Variants in SMAP1 observed in about 807,000 individuals in gnomAD.
SMAP1 encodes stromal membrane-associated protein 1.
In SMAP1, 24 loss-of-function variants were observed where a neutral mutation model predicts 58.5. The ratio of observed to expected loss-of-function variants is 0.41; its 90% CI spans 0.30 to 0.58. The LOEUF (loss-of-function observed/expected upper bound fraction) is 0.58, where lower values mean the gene tolerates loss of function less well. Among genes scored for constraint, SMAP1 ranks in the 20% least tolerant of loss-of-function variants. SMAP1 has a pLI of 0.29. For missense variants in SMAP1, 563 were observed against 566.3 expected, an observed-to-expected ratio of 0.99 and a Z score of 0.06; for synonymous variants, 216 against 196.6, an observed-to-expected ratio of 1.10 and a Z score of -0.82.
intron 6 of SMAP1, among the ~76,000 whole-genome samples, chr6:70,835,421 C>T (rs1770540846): frequency 6.6e-6 from 1 of 152,112 alleles, no homozygotes; most frequent in African/African-American, 2.4e-5. Flanking sequence ...CATGTAACAA[C>T]TAAGTTGTGA....
At chr6:70,770,072 T>A (rs566950493) in intron 3 of SMAP1, among the ~76,000 whole-genome samples, 3 of 151,734 alleles carry the variant, frequency 2.0e-5, no homozygotes, top group South Asian at 2.1e-4. Flanking sequence ...TGTTGAATAT[T>A]GGCCCCCACT....
intron 6 of SMAP1, among the ~76,000 whole-genome samples, chr6:70,825,131 C>G (rs532159702): frequency 1.3e-5 from 2 of 152,254 alleles, no homozygotes; most frequent in East Asian, 3.9e-4. Context: ...ACACACATTG[C>G]GCATATATCC....
chr6:70,784,332 C>T (rs1767905161), intron 4 of SMAP1, among the ~76,000 whole-genome samples: 2 of 152,082 alleles, frequency 1.3e-5, no homozygotes, highest in Non-Finnish European at 2.9e-5. Context: ...CAACCGGTAC[C>T]AGCCACTGCA....
At chr6:70,854,624 A>G (rs76096471) in intron 8 of SMAP1, among the ~76,000 whole-genome samples, 3 of 146,062 alleles carry the variant, frequency 2.1e-5, no homozygotes, top group African/African-American at 5.0e-5. Context: ...CTTCGTCTGG[A>G]AAAAAAAAAA....
At chr6:70,853,434 AT>A (rs748724413) in intron 8 of SMAP1, among the ~76,000 whole-genome samples, 1 of 152,186 alleles carries the variant, frequency 6.6e-6, no homozygotes, top group Non-Finnish European at 1.5e-5. Context: ...GTGCAGCATA[AT>A]TTTTGAGATA....
chr6:70,810,236 C>A lies in SMAP1; in HGVS notation c.576+11499C>A, dbSNP rs187033013. On this transcript the variant is annotated intron_variant, in intron 6 of 10. Transcript: ENST00000370455. ...CAGGCATGCGTAGAACTCCTGAGCT[C>A]AAAGGATCCTTCTGTCTCAGCCTTC... is the stretch of plus-strand genomic sequence containing the variant. 4.6e-3 allele frequency among the ~76,000 whole-genome samples: 704 copies of A among 152,212 alleles called. 4 individuals carry two copies. The highest frequency in any genetic ancestry group is 0.016 in the African/African-American group (673 of 41,516).
At chr6:70,751,696 C>T (rs1195723710) in intron 2 of SMAP1, among the ~76,000 whole-genome samples, 2 of 152,014 alleles carry the variant, frequency 1.3e-5, no homozygotes, top group Non-Finnish European at 2.9e-5. Context: ...ACAATTATCC[C>T]TCCTGTAGAA....
intron 4 of SMAP1, among the ~76,000 whole-genome samples, chr6:70,776,592 G>A (rs1036219924): frequency 1.9e-4 from 29 of 151,992 alleles, no homozygotes; most frequent in Non-Finnish European, 2.9e-4. Flanking sequence ...ACACTAAATC[G>A]TACTCCTCCT....
chr6:70,850,402 A>T (rs1771138537), intron 7 of SMAP1, among the ~76,000 whole-genome samples: 1 of 152,106 alleles, frequency 6.6e-6, no homozygotes, highest in Non-Finnish European at 1.5e-5. Context: ...AACAACTATA[A>T]CGGAAAAACT....
intron 5 of SMAP1, among the ~76,000 whole-genome samples, chr6:70,798,268 GTT>G (rs748111672): frequency 2.1e-5 from 3 of 142,330 alleles, no homozygotes; most frequent in Admixed American, 7.0e-5. Context: ...CTATCACTTA[GTT>G]TTTTTTTTTT....
intron 1 of SMAP1, among the ~76,000 whole-genome samples, chr6:70,712,344 AC>A (rs908809891): frequency 6.6e-6 from 1 of 152,212 alleles, no homozygotes; most frequent in African/African-American, 2.4e-5. Context: ...CTGGTATTTT[AC>A]TGAAGATTTT....
chr6:70,724,961 A>G lies in SMAP1; in HGVS notation c.119-7417A>G, dbSNP rs542323327. Among the ~76,000 whole-genome samples the G allele has an allele frequency of 3.1e-3, 478 of 152,002 alleles. 1 individual carries two copies. The highest frequency in any genetic ancestry group is 9.9e-3 in the African/African-American group (412 of 41,546). ...GTAAAATAACTTTTGTCCAAATACT[A>G]TTTATGAAACTTCTATTTAAACTTT... On this transcript the variant is annotated intron_variant, in intron 1 of 10. Coordinates refer to ENST00000370455, the MANE Select transcript of SMAP1 (RefSeq NM_001044305.3).
At position 70,861,464 on chromosome 6, in the gene SMAP1, C is replaced by T; in HGVS notation, c.*1130C>T. 1 of 572,324 alleles carries T rather than the reference C, an allele frequency of 1.7e-6. No homozygotes were observed. Among genetic ancestry groups the T allele is most frequent in the South Asian group, 2.4e-5 (1 of 41,810 alleles). The allele number at this position is 572,324 out of a possible 1,614,324, so 35.5% of individuals were successfully genotyped here. A position where few individuals can be genotyped will look rare whatever the true frequency, so the allele number is the denominator to read the frequency against. On this transcript the variant is annotated 3_prime_UTR_variant, in exon 11 of 11. Coordinates refer to ENST00000370455, the MANE Select transcript of SMAP1 (RefSeq NM_001044305.3). ...ACATGCAGAACAAATGAAGACAAAA[C>T]ATACATTTTGTACCAACCATCCAAT...
chr6:70,773,842 G>A (rs1428894162), intron 4 of SMAP1, among the ~76,000 whole-genome samples: 1 of 152,080 alleles, frequency 6.6e-6, no homozygotes, highest in Non-Finnish European at 1.5e-5. Context: ...TTAAAAGATG[G>A]CATTTACATT....
At chr6:70,724,279 C>T (rs1441412161) in intron 1 of SMAP1, among the ~76,000 whole-genome samples, 1 of 151,896 alleles carries the variant, frequency 6.6e-6, no homozygotes, top group Non-Finnish European at 1.5e-5. Context: ...TCACTGCAAC[C>T]TTTGCCTCCT....
At chr6:70,834,984 T>A (rs1770511542) in intron 6 of SMAP1, among the ~76,000 whole-genome samples, 1 of 151,936 alleles carries the variant, frequency 6.6e-6, no homozygotes, top group African/African-American at 2.4e-5. Context: ...GCGCAGTGGC[T>A]CACGCCTGTA....
chr6:70,743,329 T>C (rs1322425454), intron 2 of SMAP1, among the ~76,000 whole-genome samples: 1 of 152,210 alleles, frequency 6.6e-6, no homozygotes, highest in African/African-American at 2.4e-5. Flanking sequence ...CTATCATCTA[T>C]TGGTTTTTAG....
At chr6:70,758,872 G>A (rs1467775776) in intron 3 of SMAP1, among the ~76,000 whole-genome samples, 1 of 152,084 alleles carries the variant, frequency 6.6e-6, no homozygotes, top group Non-Finnish European at 1.5e-5. Context: ...ACCAGCAGGA[G>A]GATTAAGAGT....
chr6:70,669,700 T>G (rs1015900400), intron 1 of SMAP1, among the ~76,000 whole-genome samples: 1 of 152,212 alleles, frequency 6.6e-6, no homozygotes, highest in African/African-American at 2.4e-5. Context: ...AAGCTGAAGC[T>G]AAATAGTACA....
Sources: allele counts gnomAD v4.1 joint callset (sites outside exome capture counted in the v4.1 genomes callset), GRCh38; gene constraint gnomAD v4.1.1; transcripts MANE v1.5; gene names NCBI Gene and HGNC (gene_info 2026-07-23, HGNC 2026-07-21).